The following FRMPD2 variants were observed in gnomAD, a reference collection of about 807,000 sequenced individuals.
The protein encoded by FRMPD2 is FERM and PDZ domain-containing protein 2.
A neutral mutation model predicts 140.1 loss-of-function variants in FRMPD2; 96 were observed. The ratio of observed to expected loss-of-function variants is 0.69; its 90% CI spans 0.58 to 0.81. The LOEUF is 0.81. FRMPD2 is among the 40% of genes least tolerant of loss of function. The pLI, the probability that FRMPD2 is intolerant of heterozygous loss-of-function variation, is 0.00. For synonymous variants in FRMPD2, 449 were observed against 547.6 expected (o/e 0.82, Z 2.52); for missense variants, 1,240 against 1,447.4 (o/e 0.86, Z 2.32).
At chr10:48,210,610 C>T (rs554485350) in intron 13 of FRMPD2, among the ~76,000 whole-genome samples, 1 of 152,290 alleles carries the variant, frequency 6.6e-6, no homozygotes, top group South Asian at 2.1e-4. Flanking sequence ...CTTTGAAGTC[C>T]CCACTGGTCC....
chr10:48,177,230 C>G (rs1838433260), intron 22 of FRMPD2: 1 of 151,710 alleles, frequency 6.6e-6, no homozygotes, highest in Non-Finnish European at 1.5e-5. Flanking sequence ...GCCTCAGCCT[C>G]CCGAGTAGCT....
intron 25 of FRMPD2, among the ~76,000 whole-genome samples, chr10:48,171,921 T>C (rs61840024): frequency 0.45 from 65,959 of 148,088 alleles, 15,308 homozygotes; most frequent in Middle Eastern, 0.58. Context: ...GCCAATTCTA[T>C]GGACAATGCT....
Position 48,206,506 on chromosome 10 carries a change from T to C in FRMPD2, c.1797+242A>G, listed in dbSNP as rs563482542. Among the ~76,000 whole-genome samples the C allele has an allele frequency of 4.6e-5, 7 of 152,278 alleles. No homozygotes were observed. In the South Asian group the frequency reaches 6.2e-4, roughly 14 times the overall value. On this transcript the variant is annotated intron_variant, in intron 14 of 28. Transcript: ENST00000374201. ...AGACCAATGGCTGTTCATGGGGATATGTGGAGGTCCAGGCAAGGAATGTTA... is the reference window on the plus strand; with the variant it reads ...AGACCAATGGCTGTTCATGGGGATACGTGGAGGTCCAGGCAAGGAATGTTA...
intron 3 of FRMPD2, among the ~76,000 whole-genome samples, chr10:48,246,255 C>A (rs530260363): frequency 6.6e-6 from 1 of 152,344 alleles, no homozygotes; most frequent in Non-Finnish European, 1.5e-5. Context: ...ACTCATGGAG[C>A]TGCAGGGACT....
At chr10:48,207,791 C>G (rs533280037) in intron 13 of FRMPD2, among the ~76,000 whole-genome samples, 1 of 152,102 alleles carries the variant, frequency 6.6e-6, no homozygotes, top group East Asian at 1.9e-4. Flanking sequence ...ATCTGGTATC[C>G]CATTCCTACC....
At chr10:48,221,113 T>C (rs12250185) in intron 12 of FRMPD2, among the ~76,000 whole-genome samples, 47,084 of 152,040 alleles carry the variant, frequency 0.31, 9,234 homozygotes, top group African/African-American at 0.55. Flanking sequence ...GAAAAGAAGT[T>C]ATTATACATA....
At chr10:48,209,693 G>A (rs1346609408) in intron 13 of FRMPD2, among the ~76,000 whole-genome samples, 2 of 152,204 alleles carry the variant, frequency 1.3e-5, no homozygotes, top group Non-Finnish European at 1.5e-5. Context: ...TGCACGAGGT[G>A]TCTTAGCAAT....
At chr10:48,236,402 A>T (rs549444100) in intron 9 of FRMPD2, 80 bp downstream of exon 9, 1 of 1,194,946 alleles carries the variant, frequency 8.4e-7, no homozygotes, top group African/African-American at 1.5e-5. Flanking sequence ...GTGAGACCCC[A>T]TTCAGACACA....
chr10:48,231,671 G>A (rs914553524), intron 10 of FRMPD2, among the ~76,000 whole-genome samples: 37 of 152,244 alleles, frequency 2.4e-4, no homozygotes, highest in African/African-American at 6.3e-4. Context: ...ATTTTAGGTC[G>A]ACAGCAGAAA....
Position 48,249,097 on chromosome 10 carries a change from T to A in FRMPD2, c.233A>T (p.His78Leu), listed in dbSNP as rs186710350. The A allele has an allele frequency of 6.8e-6, 11 of 1,613,978 alleles. No individual in the cohort carries two copies. The African/African-American group carries it at 1.2e-4, about 18-fold the overall frequency. ...GGCCTTGAAAGGAGCAGCCTCTATATGAGAAACACGGCCTTGGAAAGAAAG... is the reference window on the plus strand; with the variant it reads ...GGCCTTGAAAGGAGCAGCCTCTATAAGAGAAACACGGCCTTGGAAAGAAAG... ...GSLSFQGRVS[H>L]IEAAPFKAPE... The change falls in exon 3 of 29, where the codon CAT becomes CTT. Residue 78 changes from histidine (H) to leucine (L), a missense_variant. By Grantham distance (99) the His-to-Leu change is moderately conservative. Around this residue, in one of 6 missense-constraint regions of FRMPD2, gnomAD observed 1,161 missense variants for 1,055.9 expected, o/e 1.10. Coordinates refer to ENST00000374201, the MANE Select transcript of FRMPD2 (RefSeq NM_001018071.4).
chr10:48,202,082 A>C (rs1016518281), intron 14 of FRMPD2, among the ~76,000 whole-genome samples: 1 of 152,178 alleles, frequency 6.6e-6, no homozygotes, highest in African/African-American at 2.4e-5. Flanking sequence ...AAGATGACCT[A>C]TATGAGGCTA....
At position 48,223,047 on chromosome 10, in the gene FRMPD2, C is replaced by G; in HGVS notation, c.1316+76G>C. 3 of 1,360,214 alleles carry G rather than the reference C, an allele frequency of 2.2e-6. No homozygotes were observed. The South Asian group carries it at 4.2e-5, about 19-fold the overall frequency. The allele number at this position is 1,360,214 out of a possible 1,614,324, so 84.3% of individuals were successfully genotyped here. A position where few individuals can be genotyped will look rare whatever the true frequency, so the allele number is the denominator to read the frequency against. On this transcript the variant is annotated intron_variant, in intron 11 of 28. Coordinates refer to ENST00000374201, the MANE Select transcript of FRMPD2 (RefSeq NM_001018071.4). ...AATTTACAGTTTGCAAAGCACTTGT[C>G]GATCCATTACCTCTCCGTCAGCCTG...
intron 20 of FRMPD2, 37 bp downstream of exon 20, chr10:48,184,529 G>A: frequency 7.8e-7 from 1 of 1,274,868 alleles, no homozygotes; most frequent in African/African-American, 1.5e-5. Context: ...GAAAACAGGG[G>A]AGCCTCTTAA....
intron 12 of FRMPD2, among the ~76,000 whole-genome samples, chr10:48,212,684 T>A (rs1839357314): frequency 6.6e-6 from 1 of 152,074 alleles, no homozygotes; most frequent in Non-Finnish European, 1.5e-5. Flanking sequence ...CATGAAGGTG[T>A]TCAAGGAGTA....
chr10:48,242,757 T>C (rs1028311810), intron 4 of FRMPD2, among the ~76,000 whole-genome samples: 7 of 152,362 alleles, frequency 4.6e-5, no homozygotes, highest in African/African-American at 1.4e-4. Context: ...GGGGTCTCAC[T>C]TGGCCTTTCC....
intron 10 of FRMPD2, among the ~76,000 whole-genome samples, chr10:48,224,289 G>C (rs1331337210): frequency 6.6e-6 from 1 of 151,984 alleles, no homozygotes; most frequent in East Asian, 1.9e-4. Flanking sequence ...CCCCTGCCCT[G>C]TTCTACCACA....
At chr10:48,260,105 G>A (rs1264982500) in intron 1 of FRMPD2, among the ~76,000 whole-genome samples, 1 of 151,796 alleles carries the variant, frequency 6.6e-6, no homozygotes, top group Non-Finnish European at 1.5e-5. Context: ...ATGGAAAAGA[G>A]TAGAAAAATA....
At chr10:48,187,342 C>G (rs1354641923) in intron 16 of FRMPD2, 50 bp from the exon 17 acceptor site, 17 of 1,544,632 alleles carry the variant, frequency 1.1e-5, no homozygotes, top group Middle Eastern at 1.7e-4. Context: ...CGGGGAAGGA[C>G]AGTGAGGTTA....
intron 12 of FRMPD2, among the ~76,000 whole-genome samples, chr10:48,220,174 C>A (rs576627617): frequency 6.6e-6 from 1 of 152,166 alleles, no homozygotes; most frequent in Non-Finnish European, 1.5e-5. Flanking sequence ...ATTACATTAC[C>A]TGACTTCAAA....
Sources: allele counts gnomAD v4.1 joint callset (sites outside exome capture counted in the v4.1 genomes callset), GRCh38; gene constraint gnomAD v4.1.1; regional missense constraint gnomAD v4.1.1; transcripts MANE v1.5; gene names NCBI Gene and HGNC (gene_info 2026-07-23, HGNC 2026-07-21).